RARB: variants seen among roughly 807,000 people sequenced by gnomAD.
The protein encoded by RARB is retinoic acid receptor beta.
A neutral mutation model predicts 51.9 loss-of-function variants in RARB; 17 were observed. That is an observed-to-expected ratio of 0.33 (90% CI 0.22 to 0.49). The LOEUF (loss-of-function observed/expected upper bound fraction) is 0.49, where lower values mean the gene tolerates loss of function less well. Ranked by LOEUF, RARB falls within the 20% of genes least tolerant of loss-of-function variation. The pLI is 0.99. For missense variants in RARB, 369 were observed against 550.8 expected, an observed-to-expected ratio of 0.67 and a Z score of 3.30; for synonymous variants, 215 against 195.4, an observed-to-expected ratio of 1.10 and a Z score of -0.84.
At chr3:25,294,776 C>T (rs1019368699) in intron 5 of RARB, among the ~76,000 whole-genome samples, 2 of 149,268 alleles carry the variant, frequency 1.3e-5, no homozygotes, top group African/African-American at 5.0e-5. Context: ...AGTCTTTTCT[C>T]CTACTGTTTC....
chr3:25,287,457 C>T (rs1703683236), intron 5 of RARB, among the ~76,000 whole-genome samples: 1 of 152,108 alleles, frequency 6.6e-6, no homozygotes, highest in African/African-American at 2.4e-5. Flanking sequence ...GGATGTTGGT[C>T]CCTCAGGCCA....
chr3:25,513,228 A>G (rs1014950557), intron 3 of RARB, among the ~76,000 whole-genome samples: 1 of 151,898 alleles, frequency 6.6e-6, no homozygotes, highest in African/African-American at 2.4e-5. Context: ...CGGAGGTTGC[A>G]GTGAGCTGAG....
chr3:25,222,433 T>C (rs1232786961), intron 5 of RARB, among the ~76,000 whole-genome samples: 1 of 152,188 alleles, frequency 6.6e-6, no homozygotes. Context: ...AGATTTATAT[T>C]TTAAGAGTCA....
intron 5 of RARB, among the ~76,000 whole-genome samples, chr3:25,591,339 A>G (rs1701603329): frequency 6.6e-6 from 1 of 152,176 alleles, no homozygotes; most frequent in African/African-American, 2.4e-5. Flanking sequence ...GCACCCCTCT[A>G]CAGCAGGCAG....
chr3:24,933,392 G>T (rs1249115048), intron 2 of RARB, among the ~76,000 whole-genome samples: 1 of 151,910 alleles, frequency 6.6e-6, no homozygotes, highest in Admixed American at 6.6e-5. Context: ...ATTTCCATAG[G>T]TGCAGTTTTT....
At chr3:24,877,417 C>A in intron 2 of RARB, among the ~76,000 whole-genome samples, 1 of 127,928 alleles carries the variant, frequency 7.8e-6, no homozygotes. Flanking sequence ...GAATAGAAAG[C>A]CCCAGAACCT....
rs577626911 is a variant in RARB, at chr3:24,842,919, G to A, written c.-459+13516G>A. On this transcript the variant is annotated intron_variant, in intron 1 of 11. Transcript: ENST00000383772. Reference sequence around the variant, plus strand: ...CTGGAGACTGCCGGGCTGAGCCCATGGCTCCTGGTAAACAGTCCTCACAGT... The same window carrying A: ...CTGGAGACTGCCGGGCTGAGCCCATAGCTCCTGGTAAACAGTCCTCACAGT... 5.6e-4 allele frequency among the ~76,000 whole-genome samples: 85 copies of A among 152,342 alleles called. 2 individuals are homozygous for A. The Middle Eastern group carries it at 0.017, about 30-fold the overall frequency.
intron 5 of RARB, among the ~76,000 whole-genome samples, chr3:25,218,566 A>G (rs1175396896): frequency 6.6e-6 from 1 of 152,172 alleles, no homozygotes; most frequent in Non-Finnish European, 1.5e-5. Flanking sequence ...GGTTTCTTGA[A>G]CTGGATGACC....
At chr3:25,500,433 T>A (rs1697239134) in intron 2 of RARB, among the ~76,000 whole-genome samples, 1 of 149,790 alleles carries the variant, frequency 6.7e-6, no homozygotes, top group Non-Finnish European at 1.5e-5. Context: ...AGGCAAATAA[T>A]TTCTTTTTCT....
chr3:25,285,809 A>G (rs1205627730), intron 5 of RARB, among the ~76,000 whole-genome samples: 2 of 152,200 alleles, frequency 1.3e-5, no homozygotes, highest in South Asian at 2.1e-4. Context: ...AAGATTATGT[A>G]CAATATGTTC....
chr3:25,567,860 C>G (rs1330033952), intron 3 of RARB, among the ~76,000 whole-genome samples: 2 of 152,186 alleles, frequency 1.3e-5, no homozygotes, highest in Admixed American at 1.3e-4. Flanking sequence ...CACTCACACA[C>G]AAGCCTTCAG....
intron 5 of RARB, among the ~76,000 whole-genome samples, chr3:25,228,011 G>A (rs1241972440): frequency 6.6e-6 from 1 of 152,144 alleles, no homozygotes; most frequent in East Asian, 1.9e-4. Flanking sequence ...TTTGAGGCCA[G>A]CCTGAGTTTT....
At chr3:25,249,973 G>T (rs1455070339) in intron 5 of RARB, among the ~76,000 whole-genome samples, 1 of 70,558 alleles carries the variant, frequency 1.4e-5, no homozygotes, top group Non-Finnish European at 2.5e-5. Context: ...TAGTAACAGT[G>T]GTGGGCTCGG....
chr3:25,345,417 A>C (rs1039778925), intron 5 of RARB, among the ~76,000 whole-genome samples: 4 of 152,172 alleles, frequency 2.6e-5, no homozygotes, highest in Admixed American at 1.3e-4. Context: ...CTGTAATCCC[A>C]GCACTTTGGG....
chr3:25,153,904 G>T (rs1184345138), intron 4 of RARB, among the ~76,000 whole-genome samples: 2 of 152,188 alleles, frequency 1.3e-5, no homozygotes, highest in Non-Finnish European at 2.9e-5. Context: ...CAATTAAAGA[G>T]CCAGGCAAAT....
intron 5 of RARB, among the ~76,000 whole-genome samples, chr3:25,286,310 G>T (rs191651553): frequency 1.6e-4 from 24 of 152,032 alleles, no homozygotes; most frequent in Non-Finnish European, 2.6e-4. Context: ...GGATGGTCTC[G>T]ATCTCCTGAC....
chr3:25,062,808 T>C (rs1224000896), intron 3 of RARB, among the ~76,000 whole-genome samples: 1 of 151,984 alleles, frequency 6.6e-6, no homozygotes, highest in African/African-American at 2.4e-5. Context: ...ATAGGATTTC[T>C]TTTTGGGAAA....
intron 3 of RARB, among the ~76,000 whole-genome samples, chr3:25,096,187 T>C (rs949054388): frequency 3.3e-5 from 5 of 152,250 alleles, no homozygotes; most frequent in Admixed American, 1.3e-4. Flanking sequence ...TGTCTCCCAC[T>C]GGACTTCACT....
intron 2 of RARB, among the ~76,000 whole-genome samples, chr3:24,948,381 C>T (rs1318475797): frequency 1.3e-5 from 2 of 152,154 alleles, no homozygotes; most frequent in South Asian, 2.1e-4. Flanking sequence ...TTTCTTTTCA[C>T]CTGCAAGAGG....
Sources: allele counts gnomAD v4.1 joint callset (sites outside exome capture counted in the v4.1 genomes callset), GRCh38; gene constraint gnomAD v4.1.1; transcripts MANE v1.5; gene names NCBI Gene and HGNC (gene_info 2026-07-23, HGNC 2026-07-21).